Variants in PICALM observed in about 807,000 individuals in gnomAD.
PICALM encodes the protein phosphatidylinositol binding clathrin assembly protein.
A neutral mutation model predicts 80.5 loss-of-function variants in PICALM; 40 were observed. The observed-to-expected ratio is 0.50, with a 90% CI of 0.39 to 0.65. PICALM has a LOEUF of 0.65. Among genes scored for constraint, PICALM ranks in the 30% least tolerant of loss-of-function variants. The pLI is 0.00. For missense variants in PICALM, 676 were observed against 778.9 expected (o/e 0.87, Z 1.57); for synonymous variants, 288 against 260.3 (o/e 1.11, Z -1.02).
intron 19 of PICALM, among the ~76,000 whole-genome samples, chr11:85,966,730 C>T (rs1035311606): frequency 6.6e-6 from 1 of 152,088 alleles, no homozygotes; most frequent in Non-Finnish European, 1.5e-5. Context: ...TTTGGAGTGA[C>T]CCTAATTTGA....
At chr11:86,069,138 G>C (rs533345116), upstream of PICALM, 6 of 247,276 alleles carry the variant, frequency 2.4e-5, no homozygotes, top group South Asian at 5.1e-4. Flanking sequence ...ACGTGACTCG[G>C]ACACCGCCCC....
At chr11:86,000,162 T>G (rs922101680) in intron 11 of PICALM, among the ~76,000 whole-genome samples, 2 of 152,208 alleles carry the variant, frequency 1.3e-5, no homozygotes, top group Admixed American at 6.5e-5. Context: ...ATTATTAAAG[T>G]TAGTCTGGTA....
At chr11:85,986,931 C>T (rs1487584883) in intron 13 of PICALM, among the ~76,000 whole-genome samples, 2 of 152,210 alleles carry the variant, frequency 1.3e-5, no homozygotes, top group African/African-American at 4.8e-5. Flanking sequence ...CACCAATCCA[C>T]AGTTTATCAT....
chr11:86,031,624 ATT>A lies in PICALM; in HGVS notation c.131-15_131-14del. 1 of 1,583,558 alleles carries A rather than the reference ATT, an allele frequency of 6.3e-7. No homozygotes were observed. On this transcript the variant is annotated splice_polypyrimidine_tract_variant and intron_variant, in intron 1 of 19. Coordinates refer to ENST00000393346, the MANE Select transcript of PICALM (RefSeq NM_007166.4). The stretch of plus-strand genomic sequence containing the variant: ...CACTGAATTAAGTCTGCAATAAAAA[ATT>A]TTTAAATGATTAATTTCCTCTGTGG...
At position 85,990,391 on chromosome 11, in the gene PICALM, A is replaced by G; in HGVS notation, c.1267T>C (p.Ser423Pro). 6.2e-7 allele frequency: 1 copy of G among 1,603,910 alleles called. No individual in the cohort carries two copies. Residue 423 changes from serine to proline, a missense_variant, in exon 13 of 20, where the codon TCT becomes CCT. By Grantham distance (74) the Ser-to-Pro change is moderately conservative. This residue lies in a region of PICALM where 391 missense variants were observed against 383.6 expected (regional missense o/e 1.02). Transcript: ENST00000393346. Reference sequence around the variant, plus strand: ...TCATCAACAGCATCTACAGTAGCAGAGAAAGGATCTGTGCAGTCCAAATGT... The same window carrying G: ...TCATCAACAGCATCTACAGTAGCAGGGAAAGGATCTGTGCAGTCCAAATGT... ...QVASTWGDPF[S>P]ATVDAVDDAI...
At chr11:85,983,142 A>T (rs188685065) in intron 14 of PICALM, among the ~76,000 whole-genome samples, 6 of 152,318 alleles carry the variant, frequency 3.9e-5, no homozygotes, top group African/African-American at 1.4e-4. Flanking sequence ...AGGATAACTA[A>T]TTATATGTTA....
intron 13 of PICALM, among the ~76,000 whole-genome samples, chr11:85,989,598 T>G (rs1159691574): frequency 6.6e-6 from 1 of 152,160 alleles, no homozygotes; most frequent in East Asian, 1.9e-4. Flanking sequence ...AAACTTACTA[T>G]TCCCTATATA....
intron 1 of PICALM, among the ~76,000 whole-genome samples, chr11:86,063,615 C>T (rs557192994): frequency 3.9e-4 from 60 of 152,264 alleles, no homozygotes; most frequent in Admixed American, 7.8e-4. Context: ...TTATATACCT[C>T]AGGCATTCTG....
intron 17 of PICALM, among the ~76,000 whole-genome samples, 194 bp downstream of exon 17, chr11:85,980,935 A>T (rs2094424509): frequency 6.6e-6 from 1 of 152,262 alleles, no homozygotes; most frequent in African/African-American, 2.4e-5. Flanking sequence ...AGTAACCCTT[A>T]AATACTTGTT....
intron 19 of PICALM, among the ~76,000 whole-genome samples, chr11:85,963,920 C>CT (rs10686143): frequency 0.011 from 828 of 72,884 alleles, 26 homozygotes; most frequent in African/African-American, 0.032. Context: ...CCACACCTGG[C>CT]TTTTTTTTTT....
At chr11:85,983,404 C>G (rs1399440783) in intron 14 of PICALM, among the ~76,000 whole-genome samples, 1 of 152,110 alleles carries the variant, frequency 6.6e-6, no homozygotes, top group Non-Finnish European at 1.5e-5. Flanking sequence ...ACCCACAGGC[C>G]TGATTATTTA....
chr11:86,017,910 G>T (rs78440165), intron 4 of PICALM, among the ~76,000 whole-genome samples: 9 of 152,178 alleles, frequency 5.9e-5, no homozygotes, highest in Non-Finnish European at 1.5e-5. Flanking sequence ...GTGTGTGTGC[G>T]CCTGTGTGAA....
intron 2 of PICALM, among the ~76,000 whole-genome samples, chr11:86,030,184 A>T (rs1181331042): frequency 6.6e-6 from 1 of 152,222 alleles, no homozygotes; most frequent in Admixed American, 6.5e-5. Context: ...TTTTATCTAC[A>T]TTATGATTAT....
intron 2 of PICALM, among the ~76,000 whole-genome samples, chr11:86,030,721 C>T (rs2095736732): frequency 6.6e-6 from 1 of 152,220 alleles, no homozygotes; most frequent in South Asian, 2.1e-4. Context: ...CTGAAGAAGG[C>T]ACACTTCAAT....
At chr11:85,960,872 G>T in intron 19 of PICALM, 1 of 447,906 alleles carries the variant, frequency 2.2e-6, no homozygotes, top group Non-Finnish European at 3.6e-6. Context: ...AAGTGGTTTT[G>T]GTTTTGTCAT....
intron 7 of PICALM, among the ~76,000 whole-genome samples, chr11:86,010,561 A>G (rs1374850516): frequency 6.6e-6 from 1 of 152,102 alleles, no homozygotes; most frequent in Non-Finnish European, 1.5e-5. Context: ...ACCTCAGGTG[A>G]TCCACCCACC....
Position 85,957,296 on chromosome 11 carries a change from G to C in PICALM, c.*1750C>G, listed in dbSNP as rs1459969981. ...AGACACTTATCAATGCAAAGCTTTT[G>C]ATCCTTTATCATGTACTCTGAACCC... On this transcript the variant is annotated 3_prime_UTR_variant, in exon 20 of 20. Transcript: ENST00000393346. Among the ~76,000 whole-genome samples, 2 of 152,246 alleles carry C rather than the reference G, an allele frequency of 1.3e-5. No homozygotes were observed. Among genetic ancestry groups the C allele is most frequent in the South Asian group, 2.1e-4 (1 of 4,824 alleles).
chr11:86,026,086 G>A (rs1200938392), intron 3 of PICALM, among the ~76,000 whole-genome samples: 1 of 152,044 alleles, frequency 6.6e-6, no homozygotes, highest in Non-Finnish European at 1.5e-5. Context: ...TAACTACTCT[G>A]TACTCCGTCT....
chr11:86,036,221 C>A (rs957524224), intron 1 of PICALM, among the ~76,000 whole-genome samples: 2 of 152,070 alleles, frequency 1.3e-5, no homozygotes, highest in African/African-American at 4.8e-5. Context: ...ATAGGCTAAT[C>A]AAAGTTAAAC....
Sources: allele counts gnomAD v4.1 joint callset (sites outside exome capture counted in the v4.1 genomes callset), GRCh38; gene constraint gnomAD v4.1.1; regional missense constraint gnomAD v4.1.1; transcripts MANE v1.5; gene names NCBI Gene and HGNC (gene_info 2026-07-23, HGNC 2026-07-21).